DPY19L2: variants seen among roughly 807,000 people sequenced by gnomAD.
DPY19L2 encodes dpy-19 like 2, also known as probable C-mannosyltransferase DPY19L2.
Under a neutral mutation model 97.9 loss-of-function variants are expected in DPY19L2, and 34 were observed. The observed-to-expected ratio is 0.35, with a 90% confidence interval of 0.26 to 0.46. The LOEUF is 0.46. Among genes scored for constraint, DPY19L2 ranks in the 20% least tolerant of loss-of-function variants. The probability of loss-of-function intolerance (pLI) is 1.00; values close to 1 mark genes in which losing one functional copy is unlikely to be tolerated. For synonymous variants in DPY19L2, 230 were observed against 307.9 expected (o/e 0.75, Z 2.65); for missense variants, 623 against 911.4 (o/e 0.68, Z 4.07).
intron 12 of DPY19L2, among the ~76,000 whole-genome samples, chr12:63,603,652 G>A (rs1592530489): frequency 6.6e-6 from 1 of 152,104 alleles, no homozygotes; most frequent in Non-Finnish European, 1.5e-5. Flanking sequence ...TTAGTTTGCT[G>A]AAAATAATGG....
intron 16 of DPY19L2, among the ~76,000 whole-genome samples, chr12:63,587,557 A>AATAATTATTATT (rs1555185972): frequency 7.3e-5 from 10 of 136,228 alleles, no homozygotes; most frequent in African/African-American, 8.4e-5. Flanking sequence ...CATTTTTAAA[A>AATAATTATTATT]ATTATTATTA....
At chr12:63,592,032 AGGGG>A (rs1883136891) in intron 16 of DPY19L2, among the ~76,000 whole-genome samples, 2 of 7,154 alleles carry the variant, frequency 2.8e-4, no homozygotes, top group East Asian at 4.1e-3. Context: ...AGGGGAGGGG[AGGGG>A]AGGGGAGGGA....
At chr12:63,628,270 T>C (rs775216930) in intron 6 of DPY19L2, among the ~76,000 whole-genome samples, 1 of 152,150 alleles carries the variant, frequency 6.6e-6, no homozygotes, top group Admixed American at 6.5e-5. Flanking sequence ...GGGCAAGGCA[T>C]TGCCTCACCC....
chr12:63,584,494 T>C (rs1881448938), intron 16 of DPY19L2, among the ~76,000 whole-genome samples: 1 of 152,142 alleles, frequency 6.6e-6, no homozygotes, highest in African/African-American at 2.4e-5. Context: ...AACGAAAAGT[T>C]CCAAGAAATA....
intron 21 of DPY19L2, among the ~76,000 whole-genome samples, chr12:63,562,354 T>C (rs878984691): frequency 1.3e-5 from 2 of 152,138 alleles, no homozygotes; most frequent in Non-Finnish European, 2.9e-5. Flanking sequence ...ATCAATAGTT[T>C]ATTCATTTTT....
Position 63,668,079 on chromosome 12 carries a change from G to T in DPY19L2, c.315C>A (p.Ser105=). The T allele has an allele frequency of 6.2e-7, 1 of 1,613,982 alleles. No individual in the cohort carries two copies. The highest frequency in any genetic ancestry group is 8.5e-7 in the Non-Finnish European group (1 of 1,179,958). Residue 105 remains serine (S), a synonymous_variant, in exon 1 of 22, where the codon TCC becomes TCA. Transcript: ENST00000324472. ...KVQELQARRF[S]SRTTLGIAVF... ...CACCGATGCCGAGAGTGGTTCTGCT[G>T]GAGAACCGCCGCGCCTGCAGTTCCT...
intron 11 of DPY19L2, among the ~76,000 whole-genome samples, chr12:63,611,440 C>T (rs1196683494): frequency 6.6e-6 from 1 of 151,468 alleles, no homozygotes; most frequent in Non-Finnish European, 1.5e-5. Context: ...AAAACACAGC[C>T]CCGATATGAG....
intron 9 of DPY19L2, among the ~76,000 whole-genome samples, chr12:63,620,563 A>C (rs1307393750): frequency 1.3e-5 from 2 of 152,198 alleles, no homozygotes; most frequent in Non-Finnish European, 2.9e-5. Context: ...AATACAGTAA[A>C]AGAATGTGGA....
chr12:63,604,561 G>T (rs1885728219), intron 12 of DPY19L2, among the ~76,000 whole-genome samples: 1 of 151,908 alleles, frequency 6.6e-6, no homozygotes, highest in Admixed American at 6.6e-5. Flanking sequence ...ATTTAGATTG[G>T]GAGATTTCTA....
intron 9 of DPY19L2, among the ~76,000 whole-genome samples, chr12:63,618,560 T>C (rs1355758887): frequency 6.6e-6 from 1 of 152,060 alleles, no homozygotes; most frequent in Non-Finnish European, 1.5e-5. Flanking sequence ...GCAGATGCCT[T>C]CCAGCTGAGA....
At chr12:63,658,722 C>T (rs1411797331) in intron 4 of DPY19L2, among the ~76,000 whole-genome samples, 1 of 152,124 alleles carries the variant, frequency 6.6e-6, no homozygotes, top group Non-Finnish European at 1.5e-5. Context: ...GGAAGTATTA[C>T]TCATAAATTC....
At chr12:63,618,727 A>G (rs1888222860) in intron 9 of DPY19L2, among the ~76,000 whole-genome samples, 1 of 152,132 alleles carries the variant, frequency 6.6e-6, no homozygotes, top group African/African-American at 2.4e-5. Context: ...TCTACGGATC[A>G]TCTCAATCTG....
intron 14 of DPY19L2, among the ~76,000 whole-genome samples, chr12:63,597,359 C>A (rs1884425855): frequency 6.6e-6 from 1 of 151,944 alleles, no homozygotes; most frequent in Admixed American, 6.6e-5. Flanking sequence ...TTTATATGTT[C>A]ATTAAAACTC....
intron 4 of DPY19L2, among the ~76,000 whole-genome samples, chr12:63,659,942 C>T (rs1592763051): frequency 6.6e-6 from 1 of 152,166 alleles, no homozygotes; most frequent in East Asian, 1.9e-4. Context: ...GCTTATTAAA[C>T]ATGGAAATAT....
rs1430684749 is a variant in DPY19L2 at position 63,612,919 on chromosome 12, T to C, written c.1219-4244A>G. Among the ~76,000 whole-genome samples, 5 of 152,092 alleles carry C rather than the reference T, an allele frequency of 3.3e-5. No individual in the cohort carries two copies. The South Asian group carries it at 6.2e-4, about 19-fold the overall frequency. On this transcript the variant is annotated intron_variant, in intron 11 of 21. Coordinates refer to ENST00000324472, the MANE Select transcript of DPY19L2 (RefSeq NM_173812.5). The stretch of plus-strand genomic sequence containing the variant: ...AATGAATTTGACATCATAAATAAAA[T>C]TTAAAAATTCCTTGAAAGATACAAC...
chr12:63,580,943 T>C (rs1880773071), intron 18 of DPY19L2, 107 bp from the exon 19 acceptor site: 6 of 1,143,470 alleles, frequency 5.2e-6, no homozygotes, highest in Non-Finnish European at 7.4e-6. Flanking sequence ...TACCCTTTGA[T>C]ATCAGCACAC....
intron 6 of DPY19L2, among the ~76,000 whole-genome samples, chr12:63,633,234 C>T (rs1440115640): frequency 6.6e-6 from 1 of 150,392 alleles, no homozygotes; most frequent in East Asian, 1.9e-4. Context: ...TTAAACTACA[C>T]AGCTTCTGCA....
chr12:63,589,269 T>C (rs1882405757), intron 16 of DPY19L2, among the ~76,000 whole-genome samples: 1 of 143,380 alleles, frequency 7.0e-6, no homozygotes, highest in East Asian at 2.1e-4. Context: ...GATTATATGA[T>C]AACCTGCCTA....
chr12:63,636,785 C>A (rs1181500301), intron 6 of DPY19L2, among the ~76,000 whole-genome samples: 1 of 152,076 alleles, frequency 6.6e-6, no homozygotes, highest in Non-Finnish European at 1.5e-5. Context: ...ATTCATAAAG[C>A]AAGCCCTTAG....
Sources: allele counts gnomAD v4.1 joint callset (sites outside exome capture counted in the v4.1 genomes callset), GRCh38; gene constraint gnomAD v4.1.1; transcripts MANE v1.5; gene names NCBI Gene and HGNC (gene_info 2026-07-23, HGNC 2026-07-21).